CDH17: variants seen among roughly 807,000 people sequenced by gnomAD.
CDH17 encodes cadherin 17.
CDH17 carries 67 observed loss-of-function variants against 86.3 expected under a neutral mutation model. The ratio of observed to expected loss-of-function variants is 0.78; its 90% CI spans 0.64 to 0.95. CDH17 has a LOEUF of 0.95. Among genes scored for constraint, CDH17 ranks in the 40% least tolerant of loss-of-function variants. The pLI is 0.00. For synonymous variants in CDH17, 367 were observed against 366.4 expected (o/e 1.00, Z -0.02); for missense variants, 993 against 1,017.6 (o/e 0.98, Z 0.33).
chr8:94,186,239 C>A (rs1014046609), intron 3 of CDH17, among the ~76,000 whole-genome samples: 2 of 152,160 alleles, frequency 1.3e-5, no homozygotes, highest in African/African-American at 4.8e-5. Flanking sequence ...TTCTCTAAAT[C>A]TTTTGCTGTA....
intron 12 of CDH17, among the ~76,000 whole-genome samples, chr8:94,159,562 AAG>A (rs1344814639): frequency 1.3e-5 from 2 of 152,174 alleles, no homozygotes; most frequent in Non-Finnish European, 2.9e-5. Context: ...CCCAGACCGT[AAG>A]AGTGTTGCGA....
chr8:94,174,001 G>T lies in CDH17; in HGVS notation c.584-5C>A. The stretch of plus-strand genomic sequence containing the variant: ...CAGGATTCAATTCCTGAGATCCTGT[G>T]AGAAGTAGGGGAGAAGGGAATAGGA... On this transcript the variant is annotated splice_region_variant and splice_polypyrimidine_tract_variant and intron_variant, in intron 6 of 17. Transcript: ENST00000027335. The T allele has an allele frequency of 6.2e-7, 1 of 1,613,042 alleles. No individual in the cohort carries two copies. Among genetic ancestry groups the T allele is most frequent in the South Asian group, 1.1e-5 (1 of 91,052 alleles).
At chr8:94,187,594 T>C (rs1813606407) in intron 3 of CDH17, among the ~76,000 whole-genome samples, 2 of 152,040 alleles carry the variant, frequency 1.3e-5, no homozygotes, top group Non-Finnish European at 2.9e-5. Context: ...TGACCTTTTC[T>C]CAATGGAGTC....
chr8:94,148,685 C>G, intron 14 of CDH17, 59 bp downstream of exon 14: 9 of 1,401,446 alleles, frequency 6.4e-6, no homozygotes, highest in Non-Finnish European at 8.5e-6. Flanking sequence ...CATTTCAACC[C>G]ATGTATCTTC....
At chr8:94,144,236 G>A (rs542605043) in intron 15 of CDH17, among the ~76,000 whole-genome samples, 2 of 152,300 alleles carry the variant, frequency 1.3e-5, no homozygotes, top group South Asian at 2.1e-4. Context: ...CAGAACGTAC[G>A]TCGACGTCGC....
chr8:94,163,103 C>T (rs956161742), intron 10 of CDH17, among the ~76,000 whole-genome samples: 3 of 152,220 alleles, frequency 2.0e-5, no homozygotes, highest in Non-Finnish European at 4.4e-5. Context: ...CTCTATATAG[C>T]AGCAACTGTA....
chr8:94,189,479 T>C (rs758979150), intron 2 of CDH17, among the ~76,000 whole-genome samples, 194 bp from the exon 3 acceptor site: 7 of 152,212 alleles, frequency 4.6e-5, no homozygotes, highest in Non-Finnish European at 1.0e-4. Flanking sequence ...ACCTTTCCAT[T>C]GCTTTTCTTA....
chr8:94,185,231 C>T (rs1345393150), intron 3 of CDH17, among the ~76,000 whole-genome samples: 2 of 151,412 alleles, frequency 1.3e-5, no homozygotes, highest in Non-Finnish European at 2.9e-5. Context: ...TCCCCTTCAT[C>T]TTCCTCTCAC....
intron 15 of CDH17, among the ~76,000 whole-genome samples, chr8:94,137,716 C>CTAATT (rs1220921614): frequency 3.3e-5 from 5 of 152,032 alleles, no homozygotes; most frequent in African/African-American, 1.2e-4. Flanking sequence ...AAAAACCTAA[C>CTAATT]TAACTTAACA....
chr8:94,201,082 C>T (rs1813903041), intron 1 of CDH17, among the ~76,000 whole-genome samples: 1 of 152,106 alleles, frequency 6.6e-6, no homozygotes, highest in African/African-American at 2.4e-5. Context: ...CAGATCTTTC[C>T]AAAATGTTGA....
chr8:94,181,341 C>A (rs569476440), intron 3 of CDH17, among the ~76,000 whole-genome samples: 5 of 152,206 alleles, frequency 3.3e-5, no homozygotes, highest in African/African-American at 1.2e-4. Flanking sequence ...CTAACAAACA[C>A]CCAACACTCC....
At chr8:94,164,731 T>C (rs1312151443) in intron 10 of CDH17, among the ~76,000 whole-genome samples, 4 of 152,216 alleles carry the variant, frequency 2.6e-5, no homozygotes, top group African/African-American at 9.7e-5. Flanking sequence ...TACTGAATTA[T>C]ATGGTAATCG....
At chr8:94,187,184 TTCTC>T (rs1371225933) in intron 3 of CDH17, among the ~76,000 whole-genome samples, 3 of 152,250 alleles carry the variant, frequency 2.0e-5, no homozygotes, top group Non-Finnish European at 2.9e-5. Flanking sequence ...ATTTAGTCAT[TTCTC>T]TCTATACTTC....
intron 1 of CDH17, among the ~76,000 whole-genome samples, chr8:94,200,595 G>C (rs1243735685): frequency 1.6e-5 from 2 of 123,944 alleles, no homozygotes; most frequent in South Asian, 2.6e-4. Context: ...TGAAAAGAAG[G>C]CCTCGGTTCC....
At chr8:94,154,078 G>A (rs907060211) in intron 12 of CDH17, among the ~76,000 whole-genome samples, 10 of 152,204 alleles carry the variant, frequency 6.6e-5, no homozygotes, top group African/African-American at 2.4e-4. Context: ...TCAGATGCTA[G>A]TTAGCTCTAA....
upstream of CDH17, among the ~76,000 whole-genome samples, chr8:94,210,535 T>C (rs1356663693): frequency 2.6e-5 from 4 of 152,162 alleles, no homozygotes; most frequent in Non-Finnish European, 4.4e-5. Context: ...TAGACATCCT[T>C]CCAGATTAAA....
intron 7 of CDH17, 26 bp from the exon 8 acceptor site, chr8:94,171,011 G>A: frequency 6.2e-7 from 1 of 1,609,002 alleles, no homozygotes; most frequent in Non-Finnish European, 8.5e-7. Flanking sequence ...TCAGTTGTGA[G>A]GAAAGCTGTA....
At chr8:94,147,678 G>T (rs1416474832) in intron 14 of CDH17, among the ~76,000 whole-genome samples, 1 of 152,044 alleles carries the variant, frequency 6.6e-6, no homozygotes, top group Non-Finnish European at 1.5e-5. Flanking sequence ...TAGTTGCCAG[G>T]CTTATTATTG....
intron 1 of CDH17, chr8:94,203,155 C>A: frequency 6.4e-6 from 1 of 156,656 alleles, no homozygotes; most frequent in Non-Finnish European, 1.4e-5. Context: ...ATTTACAAGT[C>A]AACACATAAG....
Sources: allele counts gnomAD v4.1 joint callset (sites outside exome capture counted in the v4.1 genomes callset), GRCh38; gene constraint gnomAD v4.1.1; transcripts MANE v1.5; gene names NCBI Gene and HGNC (gene_info 2026-07-23, HGNC 2026-07-21).